Variants in WWOX observed in about 807,000 individuals in gnomAD.
The protein encoded by WWOX is WW domain-containing oxidoreductase.
WWOX carries 69 observed loss-of-function variants against 46.2 expected under a neutral mutation model. That is an observed-to-expected ratio of 1.49 (90% CI 1.23 to 1.82). The LOEUF is 1.82. WWOX is among the 40% of genes most tolerant of loss of function. The pLI is 0.00. For synonymous variants in WWOX, 359 were observed against 202.6 expected, an observed-to-expected ratio of 1.77 and a Z score of -6.56; for missense variants, 919 against 542.6, an observed-to-expected ratio of 1.69 and a Z score of -6.89.
chr16:79,014,067 A>G (rs1181288972), intron 8 of WWOX, among the ~76,000 whole-genome samples: 1 of 152,202 alleles, frequency 6.6e-6, no homozygotes, highest in African/African-American at 2.4e-5. Flanking sequence ...CCGCTGGGGA[A>G]CTGAGCAATC....
chr16:78,475,476 AGGT>A (rs2084329843), intron 8 of WWOX, among the ~76,000 whole-genome samples: 1 of 152,226 alleles, frequency 6.6e-6, no homozygotes, highest in Non-Finnish European at 1.5e-5. Flanking sequence ...GTTTGTTATA[AGGT>A]GGTCCTTTAT....
chr16:78,407,750 T>G (rs1005357160), intron 6 of WWOX, among the ~76,000 whole-genome samples: 1 of 152,182 alleles, frequency 6.6e-6, no homozygotes, highest in African/African-American at 2.4e-5. Flanking sequence ...CAACGTCCTG[T>G]AGACCAAATG....
Position 78,797,821 on chromosome 16 carries a change from C to A in WWOX, c.1056+365069C>A, listed in dbSNP as rs539880015. Among the ~76,000 whole-genome samples, 3 of 152,244 alleles carry A rather than the reference C, an allele frequency of 2.0e-5. No individual in the cohort carries two copies. In the East Asian group the frequency reaches 5.8e-4, roughly 29 times the overall value. On this transcript the variant is annotated intron_variant, in intron 8 of 8. Transcript: ENST00000566780. Reference sequence around the variant, plus strand: ...TGGGCAACATAGCAAGTCTCTGTCTCTACAAAAAATACAAAAATTAGCTGC... The same window carrying A: ...TGGGCAACATAGCAAGTCTCTGTCTATACAAAAAATACAAAAATTAGCTGC...
chr16:78,425,119 G>A lies in WWOX; in HGVS notation c.791+64G>A. 3 of 1,598,818 alleles carry A rather than the reference G, an allele frequency of 1.9e-6. No individual in the cohort carries two copies. The East Asian group carries it at 6.7e-5, about 36-fold the overall frequency. The stretch of plus-strand genomic sequence containing the variant: ...CTCATACCAGCTAATATTCCCCCAA[G>A]GCTCTCATTCTGAAAATAATTTTCA... On this transcript the variant is annotated intron_variant, in intron 7 of 8. Coordinates refer to ENST00000566780, the MANE Select transcript of WWOX (RefSeq NM_016373.4).
At chr16:78,524,922 G>A (rs1212490818) in intron 8 of WWOX, among the ~76,000 whole-genome samples, 1 of 141,158 alleles carries the variant, frequency 7.1e-6, no homozygotes, top group Non-Finnish European at 1.5e-5. Context: ...CTGGAGTGCA[G>A]TGACGTGATC....
chr16:78,738,374 T>G (rs968986592), intron 8 of WWOX, among the ~76,000 whole-genome samples: 1 of 152,206 alleles, frequency 6.6e-6, no homozygotes, highest in African/African-American at 2.4e-5. Context: ...TTATGTGTAA[T>G]GTGCCATTTG....
chr16:78,755,305 A>C (rs936631763), intron 8 of WWOX, among the ~76,000 whole-genome samples: 1 of 152,154 alleles, frequency 6.6e-6, no homozygotes, highest in Non-Finnish European at 1.5e-5. Context: ...AATTCCAGGA[A>C]TTGGAGAATG....
At chr16:78,880,995 T>TC (rs1033324520) in intron 8 of WWOX, among the ~76,000 whole-genome samples, 63 of 146,060 alleles carry the variant, frequency 4.3e-4, no homozygotes, top group African/African-American at 1.3e-3. Context: ...TTTTTTTCTT[T>TC]TTTTTTTTTT....
At chr16:78,640,408 G>T (rs533482744) in intron 8 of WWOX, among the ~76,000 whole-genome samples, 1 of 152,136 alleles carries the variant, frequency 6.6e-6, no homozygotes, top group South Asian at 2.1e-4. Flanking sequence ...TTGGCAGGAA[G>T]GGCACAGGGG....
chr16:78,115,602 A>G (rs1308834592), intron 4 of WWOX, among the ~76,000 whole-genome samples: 2 of 152,182 alleles, frequency 1.3e-5, no homozygotes, highest in African/African-American at 4.8e-5. Flanking sequence ...TCTTTTGGGC[A>G]CAGGATCTTA....
rs541819297 is a variant in WWOX at position 79,026,681 on chromosome 16, G to T, written c.1057-184927G>T. Among the ~76,000 whole-genome samples the T allele has an allele frequency of 5.9e-4, 85 of 143,792 alleles. No homozygotes were observed. In the Middle Eastern group the frequency reaches 0.011, roughly 18 times the overall value. The allele number at this position is 143,792 out of a possible 152,430, so 94.3% of individuals were successfully genotyped here. A position where few individuals can be genotyped will look rare whatever the true frequency, so the allele number is the denominator to read the frequency against. On this transcript the variant is annotated intron_variant, in intron 8 of 8. Coordinates refer to ENST00000566780, the MANE Select transcript of WWOX (RefSeq NM_016373.4). ...CGCCTAGGCTGCAGTGCAGTGGCGC[G>T]ATCTCAGCTCACTGCAACCTCCGCC...
At chr16:78,139,870 G>A (rs529049666) in intron 4 of WWOX, among the ~76,000 whole-genome samples, 1 of 152,282 alleles carries the variant, frequency 6.6e-6, no homozygotes, top group Non-Finnish European at 1.5e-5. Context: ...GGCAACTAGT[G>A]CTCAACTCCA....
At chr16:78,996,381 C>CCCCA in intron 8 of WWOX, 1 of 700,630 alleles carries the variant, frequency 1.4e-6, no homozygotes, top group Non-Finnish European at 1.6e-6. Context: ...CACCCACCCC[C>CCCCA]GCCCCCCAGC....
chr16:79,026,848 C>G (rs771358720), intron 8 of WWOX, among the ~76,000 whole-genome samples: 2 of 146,654 alleles, frequency 1.4e-5, no homozygotes, highest in Admixed American at 6.8e-5. Context: ...CCAGGATGGT[C>G]TCAATCTCCT....
At chr16:78,905,768 T>G (rs894947806) in intron 8 of WWOX, among the ~76,000 whole-genome samples, 3 of 152,294 alleles carry the variant, frequency 2.0e-5, no homozygotes, top group Admixed American at 6.5e-5. Context: ...AGTATCCTAT[T>G]TATACAATGT....
In WWOX at chr16:78,862,653, G is replaced by T. The variant is rs1447136017; in HGVS notation, c.1057-348955G>T. ...AGAAGCAGGAGATAAAAAGGCATCA[G>T]TTCCATTCCATATCCAAGTCTGAGT... is the stretch of plus-strand genomic sequence containing the variant. On this transcript the variant is annotated intron_variant, in intron 8 of 8. Coordinates refer to ENST00000566780, the MANE Select transcript of WWOX (RefSeq NM_016373.4). 5.3e-5 allele frequency among the ~76,000 whole-genome samples: 8 copies of T among 152,234 alleles called. No homozygotes were observed. The East Asian group carries it at 9.7e-4, about 18-fold the overall frequency.
chr16:78,296,950 T>G (rs749798951), intron 5 of WWOX, among the ~76,000 whole-genome samples: 8 of 152,236 alleles, frequency 5.3e-5, no homozygotes, highest in Non-Finnish European at 1.2e-4. Flanking sequence ...TGGTGTTTAT[T>G]AAAGTCAAGA....
chr16:78,379,715 C>G (rs72796062), intron 5 of WWOX, among the ~76,000 whole-genome samples: 13 of 152,080 alleles, frequency 8.5e-5, no homozygotes, highest in African/African-American at 3.1e-4. Flanking sequence ...GATAGGAGAG[C>G]GAACTCACTG....
chr16:78,654,191 C>A (rs2047029084), intron 8 of WWOX, among the ~76,000 whole-genome samples: 1 of 152,066 alleles, frequency 6.6e-6, no homozygotes, highest in Non-Finnish European at 1.5e-5. Context: ...TTCGGCTCTT[C>A]ACCTGGGTGG....
Sources: allele counts gnomAD v4.1 joint callset (sites outside exome capture counted in the v4.1 genomes callset), GRCh38; gene constraint gnomAD v4.1.1; transcripts MANE v1.5; gene names NCBI Gene and HGNC (gene_info 2026-07-23, HGNC 2026-07-21).